TRAPPC9: variants seen among roughly 807,000 people sequenced by gnomAD.
The protein encoded by TRAPPC9 is trafficking protein particle complex subunit 9.
Under a neutral mutation model 124.0 loss-of-function variants are expected in TRAPPC9, and 83 were observed. The ratio of observed to expected loss-of-function variants is 0.67; its 90% CI spans 0.56 to 0.80. The LOEUF (loss-of-function observed/expected upper bound fraction) is 0.80. Ranked by LOEUF, TRAPPC9 falls within the 30% of genes least tolerant of loss-of-function variation. The pLI, the probability that TRAPPC9 is intolerant of heterozygous loss-of-function variation, is 0.00. For missense variants in TRAPPC9, 1,302 were observed against 1,508.3 expected, an observed-to-expected ratio of 0.86 and a Z score of 2.27; for synonymous variants, 638 against 617.5, an observed-to-expected ratio of 1.03 and a Z score of -0.49.
At chr8:140,088,122 A>G (rs1233001633) in intron 17 of TRAPPC9, among the ~76,000 whole-genome samples, 1 of 151,918 alleles carries the variant, frequency 6.6e-6, no homozygotes, top group East Asian at 1.9e-4. Context: ...CCATATACTC[A>G]TATTTCTTCC....
intron 16 of TRAPPC9, among the ~76,000 whole-genome samples, chr8:140,239,291 C>T (rs771331296): frequency 2.6e-5 from 4 of 152,138 alleles, no homozygotes; most frequent in Admixed American, 6.5e-5. Flanking sequence ...CACATGAGGA[C>T]GTCTGGAGAG....
chr8:140,129,005 T>TACATATATTAA (rs1563783126), intron 17 of TRAPPC9, among the ~76,000 whole-genome samples: 1 of 134,754 alleles, frequency 7.4e-6, no homozygotes, highest in African/African-American at 2.8e-5. Flanking sequence ...ATATATATAT[T>TACATATATTAA]AAAAAAAAAA....
In TRAPPC9 at chr8:140,355,520, T is replaced by C. The variant is rs146946287; in HGVS notation, c.1495+4530A>G. 2.1e-3 allele frequency among the ~76,000 whole-genome samples: 319 copies of C among 152,270 alleles called. 1 individual carries two copies. The highest frequency in any genetic ancestry group is 7.5e-3 in the African/African-American group (310 of 41,546). On this transcript the variant is annotated intron_variant, in intron 9 of 22. Coordinates refer to ENST00000438773, the MANE Select transcript of TRAPPC9 (RefSeq NM_001160372.4). ...TACCATGACTAATTCAAACTCAGAT[T>C]TTAAACATATATTCTCCTCCAGTAT...
At chr8:140,326,298 T>C (rs1170668362) in intron 9 of TRAPPC9, among the ~76,000 whole-genome samples, 25 of 152,022 alleles carry the variant, frequency 1.6e-4, no homozygotes, top group Admixed American at 1.6e-3. Context: ...CAGTCATTAC[T>C]TTTTGGGGAA....
At chr8:139,873,236 C>G (rs533469387) in intron 21 of TRAPPC9, among the ~76,000 whole-genome samples, 17 of 152,228 alleles carry the variant, frequency 1.1e-4, no homozygotes, top group African/African-American at 3.9e-4. Context: ...TCTGGGAACG[C>G]TGGGTCAGTC....
At chr8:140,430,146 C>CA (rs765983225) in intron 4 of TRAPPC9, among the ~76,000 whole-genome samples, 1,305 of 100,238 alleles carry the variant, frequency 0.013, 13 homozygotes, top group African/African-American at 0.028. Flanking sequence ...GACTCCATCC[C>CA]AAAAAAAAAA....
intron 17 of TRAPPC9, among the ~76,000 whole-genome samples, chr8:140,128,822 G>C (rs1024207354): frequency 6.6e-6 from 1 of 152,066 alleles, no homozygotes; most frequent in African/African-American, 2.4e-5. Flanking sequence ...TCAGTCCTAG[G>C]AAAAGGCCTG....
At chr8:140,058,160 T>C (rs1052029379) in intron 17 of TRAPPC9, among the ~76,000 whole-genome samples, 11 of 152,102 alleles carry the variant, frequency 7.2e-5, no homozygotes, top group African/African-American at 2.4e-4. Context: ...GAGATTGAAA[T>C]CAGTCAGCAA....
At chr8:140,021,521 T>C (rs1183262260) in intron 18 of TRAPPC9, among the ~76,000 whole-genome samples, 2 of 152,252 alleles carry the variant, frequency 1.3e-5, no homozygotes, top group East Asian at 3.8e-4. Context: ...TTTCTATTTA[T>C]TCACTTATTT....
intron 21 of TRAPPC9, among the ~76,000 whole-genome samples, chr8:139,767,286 CT>C (rs1173395840): frequency 6.6e-5 from 10 of 152,246 alleles, no homozygotes; most frequent in African/African-American, 2.4e-4. Flanking sequence ...CCTCCAAAGC[CT>C]TGCTTTTCCC....
chr8:140,256,523 C>G (rs548019096), intron 15 of TRAPPC9, among the ~76,000 whole-genome samples: 2 of 151,134 alleles, frequency 1.3e-5, no homozygotes, highest in Admixed American at 6.6e-5. Flanking sequence ...ACCTCCTCCA[C>G]GCAGGACCCC....
intron 19 of TRAPPC9, among the ~76,000 whole-genome samples, chr8:139,987,991 G>A (rs1218938156): frequency 6.6e-6 from 1 of 152,138 alleles, no homozygotes; most frequent in East Asian, 1.9e-4. Flanking sequence ...GGGCTTGGGT[G>A]ACTGTGCTCC....
At chr8:139,823,582 G>A (rs532863889) in intron 21 of TRAPPC9, among the ~76,000 whole-genome samples, 23 of 152,266 alleles carry the variant, frequency 1.5e-4, no homozygotes, top group Non-Finnish European at 1.8e-4. Flanking sequence ...CCCTGGACTT[G>A]GGCCTGTGCT....
At chr8:140,203,759 T>C (rs1004880939) in intron 17 of TRAPPC9, among the ~76,000 whole-genome samples, 1 of 152,232 alleles carries the variant, frequency 6.6e-6, no homozygotes, top group African/African-American at 2.4e-5. Flanking sequence ...TGTGTGGCCA[T>C]GGAACATCAT....
intron 18 of TRAPPC9, among the ~76,000 whole-genome samples, chr8:140,000,129 T>G (rs113990648): frequency 0.92 from 140,077 of 152,250 alleles, 64,611 homozygotes; most frequent in Middle Eastern, 0.99. Context: ...CAAGCAATGG[T>G]AAAAGGATTC....
intron 4 of TRAPPC9, among the ~76,000 whole-genome samples, chr8:140,428,042 C>G (rs2070492429): frequency 1.3e-5 from 2 of 152,272 alleles, no homozygotes; most frequent in South Asian, 4.1e-4. Flanking sequence ...AACACCAGGT[C>G]CAAGGTCTGC....
At chr8:139,991,099 A>C (rs913004129) in intron 18 of TRAPPC9, among the ~76,000 whole-genome samples, 1 of 152,254 alleles carries the variant, frequency 6.6e-6, no homozygotes, top group Admixed American at 6.5e-5. Context: ...ATGAAGATCT[A>C]TTCCTCTGTT....
rs114866795 is a variant in TRAPPC9, at chr8:140,029,823, C to A, written c.2557-5744G>T. On this transcript the variant is annotated intron_variant, in intron 17 of 22. Transcript: ENST00000438773. The stretch of plus-strand genomic sequence containing the variant: ...ACCAATATTACTCAAATATCAAAAT[C>A]AGATAGAAAACTTCTAAGAAAACTA... Among the ~76,000 whole-genome samples the A allele has an allele frequency of 4.7e-3, 720 of 151,838 alleles. 6 individuals carry two copies. Among genetic ancestry groups the A allele is most frequent in the African/African-American group, 0.016 (677 of 41,504 alleles).
chr8:139,898,426 C>A (rs1201518406), intron 20 of TRAPPC9, among the ~76,000 whole-genome samples: 1 of 152,148 alleles, frequency 6.6e-6, no homozygotes, highest in Non-Finnish European at 1.5e-5. Context: ...ATGATTTTTT[C>A]CAGGGATGAT....
Sources: gnomAD v4.1 joint callset for allele counts (sites outside exome capture counted in the v4.1 genomes callset) on GRCh38, gnomAD v4.1.1 for gene constraint, MANE v1.5 for transcripts, NCBI Gene and HGNC (gene_info 2026-07-23, HGNC 2026-07-21) for gene names.